The following MLXIP variants were observed in gnomAD, a reference collection of about 807,000 sequenced individuals.
MLXIP encodes MLX-interacting protein.
Under a neutral mutation model 87.2 loss-of-function variants are expected in MLXIP, and 30 were observed. The ratio of observed to expected loss-of-function variants is 0.34; its 90% confidence interval spans 0.26 to 0.47. The LOEUF is 0.47. Among genes scored for constraint, MLXIP ranks in the 20% least tolerant of loss-of-function variants. The pLI is 1.00. For synonymous variants in MLXIP, 530 were observed against 514.0 expected (o/e 1.03, Z -0.42); for missense variants, 1,002 against 1,240.1 (o/e 0.81, Z 2.88).
rs1760108622 is a variant in MLXIP at position 122,135,093 on chromosome 12, C to T, written c.1733-131C>T. 1.7e-6 allele frequency: 2 copies of T among 1,148,960 alleles called. No homozygotes were observed. The highest frequency in any genetic ancestry group is 2.6e-5 in the East Asian group (1 of 39,026). 71.2% of individuals were successfully genotyped at this position (1,148,960 alleles called of 1,614,324 possible). A position where few individuals can be genotyped will look rare whatever the true frequency, so the allele number is the denominator to read the frequency against. On this transcript the variant is annotated intron_variant, in intron 9 of 16. Coordinates refer to ENST00000319080, the MANE Select transcript of MLXIP (RefSeq NM_014938.6). The surrounding 1 kb of genome is among the most constrained non-coding windows in gnomAD (Gnocchi z 5.3). ...AAGTCACACAAATGGTTTTAGGTGC[C>T]TTGGTGGCTTTGTCTTCCTGTCCCC...
intron 12 of MLXIP, 84 bp from the exon 13 acceptor site, chr12:122,138,110 C>G (rs1341433124): frequency 7.9e-7 from 1 of 1,271,196 alleles, no homozygotes. Flanking sequence ...CCCTTGGGCA[C>G]CCAGGATCAG....
chr12:122,116,053 AACACACACACAC>A lies in MLXIP; in HGVS notation c.414-11179_414-11168del, dbSNP rs138548664. On this transcript the variant is annotated intron_variant, in intron 1 of 16. Transcript: ENST00000319080. Reference sequence around the variant, plus strand: ...GTGACAGAGCGAGACTCCATCTGAAAACACACACACACACACACACACACACACACACACAAC... The same window carrying A: ...GTGACAGAGCGAGACTCCATCTGAAAACACACACACACACACACACACAAC... 2.0e-4 allele frequency among the ~76,000 whole-genome samples: 30 copies of A among 147,334 alleles called. 1 individual carries two copies. In the South Asian group the frequency reaches 4.1e-3, roughly 20 times the overall value.
intron 3 of MLXIP, chr12:122,128,882 G>C: frequency 2.0e-6 from 1 of 504,154 alleles, no homozygotes; most frequent in Middle Eastern, 5.5e-4. Context: ...CTGTCCTCCT[G>C]GACAGAGCCT....
At chr12:122,125,222 C>A (rs905464987) in intron 1 of MLXIP, among the ~76,000 whole-genome samples, 15 of 151,402 alleles carry the variant, frequency 9.9e-5, no homozygotes, top group Non-Finnish European at 2.1e-4. Flanking sequence ...GTCCCAGCTA[C>A]TCGGTTGGCT....
chr12:122,109,550 C>T (rs1456769245), intron 1 of MLXIP, among the ~76,000 whole-genome samples: 6 of 152,182 alleles, frequency 3.9e-5, no homozygotes, highest in Admixed American at 1.3e-4. Flanking sequence ...AGATGTAATC[C>T]GTTCATACGT....
chr12:122,094,217 GGTGT>G lies in MLXIP; in HGVS notation c.413+14956_413+14959del, dbSNP rs1258697158. On this transcript the variant is annotated intron_variant, in intron 1 of 16. Coordinates refer to ENST00000319080, the MANE Select transcript of MLXIP (RefSeq NM_014938.6). ...TGTGTGTTGGTGTGTGGAGTGTGTG[GGTGT>G]GTGTATGTGGTGTCTGGTGTGGTAT... 3.8e-5 allele frequency among the ~76,000 whole-genome samples: 5 copies of G among 132,202 alleles called. 1 individual carries two copies. The highest frequency in any genetic ancestry group is 2.5e-4 in the East Asian group (1 of 4,048). 86.7% of individuals were successfully genotyped at this position (132,202 alleles called of 152,430 possible).
intron 1 of MLXIP, among the ~76,000 whole-genome samples, chr12:122,105,347 T>C (rs1391410995): frequency 3.3e-5 from 5 of 152,042 alleles, no homozygotes; most frequent in Non-Finnish European, 5.9e-5. Flanking sequence ...AAGAGATTTT[T>C]CACGGGTTTT....
At chr12:122,141,411 A>G (rs901057314) in intron 16 of MLXIP, among the ~76,000 whole-genome samples, 1 of 152,228 alleles carries the variant, frequency 6.6e-6, no homozygotes, top group African/African-American at 2.4e-5. Flanking sequence ...TGTTAAGGTT[A>G]TAGAAGCTTA....
At chr12:122,134,067 T>C in intron 9 of MLXIP, 80 bp downstream of exon 9, 1 of 1,455,026 alleles carries the variant, frequency 6.9e-7, no homozygotes, top group Non-Finnish European at 9.1e-7. Flanking sequence ...CTTTCAAACT[T>C]GTGACCACCA....
chr12:122,105,353 G>GT (rs755630973), intron 1 of MLXIP, among the ~76,000 whole-genome samples: 100 of 146,982 alleles, frequency 6.8e-4, no homozygotes, highest in East Asian at 5.7e-3. Flanking sequence ...TTTTTCACGG[G>GT]TTTTTTTTTT....
chr12:122,106,990 G>T (rs575747226), intron 1 of MLXIP, among the ~76,000 whole-genome samples: 1 of 152,290 alleles, frequency 6.6e-6, no homozygotes, highest in South Asian at 2.1e-4. Flanking sequence ...CCGGGTGCAG[G>T]ACTCCAACTG....
chr12:122,079,372 C>T, intron 1 of MLXIP, 106 bp downstream of exon 1: 1 of 979,076 alleles, frequency 1.0e-6, no homozygotes, highest in Non-Finnish European at 1.5e-6. Flanking sequence ...CATGCATTCC[C>T]TTTGGGTCTT....
rs780061083 is a variant in MLXIP at position 122,127,950 on chromosome 12, C to T, written c.588C>T (p.Asp196=). ...CCCTGGACGGCTCTGTGGACGTAGACGAGCACCGCCGGCCGGAGGTACTTG... is the reference window on the plus strand; with the variant it reads ...CCCTGGACGGCTCTGTGGACGTAGATGAGCACCGCCGGCCGGAGGTACTTG... ...VTPLDGSVDV[D]EHRRPEAITT... is the part of the protein sequence containing the mutation. The change falls in exon 3 of 17, where the codon GAC becomes GAT. Residue 196 remains aspartate (D), a synonymous_variant. Coordinates refer to ENST00000319080, the MANE Select transcript of MLXIP (RefSeq NM_014938.6). 1.7e-5 allele frequency: 28 copies of T among 1,613,534 alleles called. No homozygotes were observed. Among genetic ancestry groups the T allele is most frequent in the Admixed American group, 6.7e-5 (4 of 59,998 alleles).
rs773917116 is a variant in MLXIP, at chr12:122,135,647, G to A, written c.2013G>A (p.Gln671=). Residue 671 remains glutamine (Q), a synonymous_variant, in exon 11 of 17, where the codon CAG becomes CAA. Transcript: ENST00000319080. This position sits in a 1 kb window ranked among gnomAD's most constrained non-coding sequence, Gnocchi z 5.3. ...TCCCGCTGCATGGGGGCAGCCCCCAGGTCACTGTCACAGGGCCCAGTGAGT... is the reference window on the plus strand; with the variant it reads ...TCCCGCTGCATGGGGGCAGCCCCCAAGTCACTGTCACAGGGCCCAGTGAGT... The part of the protein sequence containing the change: ...EQVPLHGGSP[Q]VTVTGPSRDC... 2.4e-5 allele frequency: 36 copies of A among 1,524,906 alleles called. No homozygotes were observed. The Middle Eastern group carries it at 1.4e-3, about 59-fold the overall frequency. The allele number at this position is 1,524,906 out of a possible 1,614,324, so 94.5% of individuals were successfully genotyped here. A position where few individuals can be genotyped will look rare whatever the true frequency, so the allele number is the denominator to read the frequency against.
Position 122,129,684 on chromosome 12 carries a change from C to A in MLXIP, c.738+55C>A. On this transcript the variant is annotated intron_variant, in intron 5 of 16. Coordinates refer to ENST00000319080, the MANE Select transcript of MLXIP (RefSeq NM_014938.6). ...CCACTTTGACATGAGACAGCAGGGA[C>A]TTCGGTGGCCCACCAGGGAGCCCTG... 4 of 1,596,050 alleles carry A rather than the reference C, an allele frequency of 2.5e-6. No individual in the cohort carries two copies. In the Middle Eastern group the frequency reaches 6.6e-4, roughly 264 times the overall value.
chr12:122,129,896 C>G (rs370741313), intron 5 of MLXIP, 45 bp from the exon 6 acceptor site: 1 of 1,578,810 alleles, frequency 6.3e-7, no homozygotes, highest in African/African-American at 1.3e-5. Flanking sequence ...CTTCGTCCCA[C>G]TGTTACTCTT....
At chr12:122,127,083 G>A (rs1394592146) in intron 1 of MLXIP, among the ~76,000 whole-genome samples, 173 bp from the exon 2 acceptor site, 2 of 152,114 alleles carry the variant, frequency 1.3e-5, no homozygotes, top group Non-Finnish European at 2.9e-5. Flanking sequence ...ACCATGCCCT[G>A]CCCTGTGTGG....
intron 1 of MLXIP, among the ~76,000 whole-genome samples, chr12:122,109,351 G>A (rs1311723510): frequency 6.6e-6 from 1 of 152,256 alleles, no homozygotes; most frequent in African/African-American, 2.4e-5. Flanking sequence ...TTATAGGCAT[G>A]AGCCACTGTG....
At chr12:122,120,685 G>A (rs897844872) in intron 1 of MLXIP, among the ~76,000 whole-genome samples, 4 of 151,948 alleles carry the variant, frequency 2.6e-5, no homozygotes, top group African/African-American at 9.7e-5. Context: ...GATATGGCTT[G>A]TAAGAGAACC....
Sources: gnomAD v4.1 joint callset for allele counts (sites outside exome capture counted in the v4.1 genomes callset) on GRCh38, gnomAD v4.1.1 for gene constraint, Gnocchi (gnomAD v3.1) non-coding constraint, MANE v1.5 for transcripts, NCBI Gene and HGNC (gene_info 2026-07-23, HGNC 2026-07-21) for gene names.